PALM2AKAP2: variants seen among roughly 807,000 people sequenced by gnomAD.
The protein encoded by PALM2AKAP2 is PALM2-AKAP2 fusion protein.
PALM2AKAP2 carries 37 observed loss-of-function variants against 71.5 expected under a neutral mutation model. That is an observed-to-expected ratio of 0.52 (90% confidence interval 0.40 to 0.68). The LOEUF (loss-of-function observed/expected upper bound fraction) is 0.68. PALM2AKAP2 is among the 30% of genes least tolerant of loss of function. The pLI is 0.00. For synonymous variants in PALM2AKAP2, 468 were observed against 478.8 expected, an observed-to-expected ratio of 0.98 and a Z score of 0.29; for missense variants, 1,224 against 1,191.8, an observed-to-expected ratio of 1.03 and a Z score of -0.40.
At chr9:109,864,641 G>A (rs1250454577) in intron 1 of PALM2AKAP2, among the ~76,000 whole-genome samples, 1 of 152,176 alleles carries the variant, frequency 6.6e-6, no homozygotes, top group Non-Finnish European at 1.5e-5. Flanking sequence ...TTAGAACACA[G>A]CCACACTCAT....
At chr9:110,125,211 C>T (rs1202182401) in intron 1 of PALM2AKAP2, among the ~76,000 whole-genome samples, 1 of 152,142 alleles carries the variant, frequency 6.6e-6, no homozygotes, top group African/African-American at 2.4e-5. Flanking sequence ...CCCTGCTTGT[C>T]CCAGGGCCCA....
intron 1 of PALM2AKAP2, among the ~76,000 whole-genome samples, chr9:109,811,467 C>G (rs909763862): frequency 6.6e-6 from 1 of 152,014 alleles, no homozygotes; most frequent in Admixed American, 6.5e-5. Flanking sequence ...ATTTCTAATG[C>G]ATGGTGGAAA....
chr9:109,672,792 A>G (rs117063290), intron 1 of PALM2AKAP2, among the ~76,000 whole-genome samples: 2,514 of 152,014 alleles, frequency 0.017, 37 homozygotes, highest in Admixed American at 0.029. Flanking sequence ...GCTCATTATT[A>G]GTCTGTTCAG....
upstream of PALM2AKAP2, chr9:109,780,174 C>T: frequency 3.8e-6 from 2 of 522,686 alleles, no homozygotes; most frequent in Non-Finnish European, 5.0e-6. Flanking sequence ...GCCGGGCTAG[C>T]GCGCCCTCCC....
At chr9:109,912,178 C>T (rs549296468) in intron 3 of PALM2AKAP2, among the ~76,000 whole-genome samples, 1 of 151,804 alleles carries the variant, frequency 6.6e-6, no homozygotes, top group Admixed American at 6.6e-5. Context: ...AACTTCCAGC[C>T]GAAGAAGTTT....
chr9:109,670,228 T>C (rs1379554106), intron 1 of PALM2AKAP2, among the ~76,000 whole-genome samples: 4 of 152,116 alleles, frequency 2.6e-5, no homozygotes, highest in African/African-American at 9.7e-5. Flanking sequence ...GTATTATGTC[T>C]AGTACCCATT....
intron 6 of PALM2AKAP2, among the ~76,000 whole-genome samples, chr9:109,947,385 G>A (rs1054464048): frequency 2.0e-5 from 3 of 152,222 alleles, no homozygotes; most frequent in African/African-American, 7.2e-5. Context: ...GGAGCAAAAT[G>A]TTGAGGCCAA....
intron 7 of PALM2AKAP2, among the ~76,000 whole-genome samples, chr9:110,039,487 T>C (rs1833475471): frequency 6.6e-6 from 1 of 152,010 alleles, no homozygotes; most frequent in Non-Finnish European, 1.5e-5. Flanking sequence ...TTTCCTAAGG[T>C]CACATAGCCA....
intron 1 of PALM2AKAP2, among the ~76,000 whole-genome samples, chr9:110,107,764 A>C (rs746129175): frequency 4.6e-5 from 7 of 152,042 alleles, no homozygotes; most frequent in Non-Finnish European, 7.4e-5. Flanking sequence ...ACGAGGTTTC[A>C]CCATGTTAGC....
In PALM2AKAP2 at chr9:109,762,129, C is replaced by T. The variant is rs188247155; in HGVS notation, c.6-18359C>T. Among the ~76,000 whole-genome samples the T allele has an allele frequency of 1.2e-4, 18 of 149,788 alleles. No individual in the cohort carries two copies. In the South Asian group the frequency reaches 1.9e-3, roughly 16 times the overall value. On this transcript the variant is annotated intron_variant, in intron 1 of 6. Transcript: ENST00000374531. ...TCAACCATTGTGGAAGACAGTGTGGCGATTCCTCAAGGATCTAGAAGGACA... is the reference window on the plus strand; with the variant it reads ...TCAACCATTGTGGAAGACAGTGTGGTGATTCCTCAAGGATCTAGAAGGACA...
At chr9:109,855,074 C>G (rs950651232) in intron 1 of PALM2AKAP2, among the ~76,000 whole-genome samples, 2 of 147,078 alleles carry the variant, frequency 1.4e-5, no homozygotes, top group African/African-American at 2.5e-5. Flanking sequence ...GGTGCCCCCC[C>G]CTTTTTTTGG....
intron 1 of PALM2AKAP2, among the ~76,000 whole-genome samples, chr9:109,830,208 C>CA (rs1828260598): frequency 6.6e-6 from 1 of 152,144 alleles, no homozygotes; most frequent in Non-Finnish European, 1.5e-5. Context: ...ACTTTATGAA[C>CA]ATTTTAAGGG....
chr9:110,034,122 C>T (rs1833335918), intron 7 of PALM2AKAP2, among the ~76,000 whole-genome samples: 1 of 152,110 alleles, frequency 6.6e-6, no homozygotes, highest in Non-Finnish European at 1.5e-5. Context: ...GCCTGTGATC[C>T]CTAAGTGCTC....
chr9:109,973,118 A>T (rs1009275497), intron 6 of PALM2AKAP2, among the ~76,000 whole-genome samples: 1 of 152,214 alleles, frequency 6.6e-6, no homozygotes, highest in African/African-American at 2.4e-5. Context: ...GTTAAAAAAA[A>T]ATCTACTTCT....
chr9:110,127,574 C>T (rs1369665699), intron 1 of PALM2AKAP2: 1 of 152,318 alleles, frequency 6.6e-6, no homozygotes, highest in Non-Finnish European at 1.5e-5. Context: ...CGCTTATAGG[C>T]TCGGCTTAGA....
At chr9:109,745,783 T>C (rs1250103367) in intron 1 of PALM2AKAP2, among the ~76,000 whole-genome samples, 1 of 152,128 alleles carries the variant, frequency 6.6e-6, no homozygotes, top group African/African-American at 2.4e-5. Flanking sequence ...CTTCTGTACT[T>C]GATTTACGCA....
At chr9:110,072,516 C>T (rs933578602) in intron 1 of PALM2AKAP2, among the ~76,000 whole-genome samples, 2 of 152,132 alleles carry the variant, frequency 1.3e-5, no homozygotes, top group African/African-American at 2.4e-5. Flanking sequence ...TTATCTGTGC[C>T]CTCTAGCATC....
At chr9:110,023,512 C>G (rs528953938) in intron 7 of PALM2AKAP2, among the ~76,000 whole-genome samples, 8 of 151,814 alleles carry the variant, frequency 5.3e-5, no homozygotes, top group African/African-American at 1.9e-4. Flanking sequence ...CGGGGTTTCT[C>G]CATGTTGGTC....
At chr9:109,863,057 C>G (rs10980095) in intron 1 of PALM2AKAP2, 74,014 of 428,126 alleles carry the variant, frequency 0.17, 6,718 homozygotes, top group South Asian at 0.24. Context: ...AGGCAAGGGT[C>G]GGAGGTGGTC....
Sources: allele counts gnomAD v4.1 joint callset (sites outside exome capture counted in the v4.1 genomes callset), GRCh38; gene constraint gnomAD v4.1.1; transcripts MANE v1.5; gene names NCBI Gene and HGNC (gene_info 2026-07-23, HGNC 2026-07-21).